NR1I3: variants seen among roughly 807,000 people sequenced by gnomAD.
NR1I3 encodes nuclear receptor subfamily 1 group I member 3, also known as constitutive activator of retinoid response.
NR1I3 carries 30 observed loss-of-function variants against 38.4 expected under a neutral mutation model. The observed-to-expected ratio is 0.78, with a 90% CI of 0.58 to 1.06. The LOEUF is 1.06. NR1I3 is among the 50% of genes least tolerant of loss of function. NR1I3 has a pLI of 0.00. For synonymous variants in NR1I3, 143 were observed against 165.1 expected, an observed-to-expected ratio of 0.87 and a Z score of 1.03; for missense variants, 388 against 435.7, an observed-to-expected ratio of 0.89 and a Z score of 0.97.
chr1:161,233,151 A>C lies in NR1I3; in HGVS notation c.408+18T>G. 6.2e-7 allele frequency: 1 copy of C among 1,610,150 alleles called. No individual in the cohort carries two copies. The highest frequency in any genetic ancestry group is 1.3e-5 in the African/African-American group (1 of 74,958). ...GCCCTTTTAGTTGTATTCCAACCCA[A>C]ATCCTGTCGGTGCTCACCCTAAACT... On this transcript the variant is annotated intron_variant, in intron 4 of 8. Transcript: ENST00000367983.
chr1:161,232,812 G>A lies in NR1I3; in HGVS notation c.543C>T (p.Val181=), dbSNP rs1452703962. The change falls in exon 5 of 9, where the codon GTC becomes GTT. Residue 181 remains valine (V), a synonymous_variant. Coordinates refer to ENST00000367983, the MANE Select transcript of NR1I3 (RefSeq NM_005122.5). Reference sequence around the variant, plus strand: ...GATGAGGGGAGGTCACTCACCGGAAGACGGGCAGGTCCTTAGTAAACTTGA... The same window carrying A: ...GATGAGGGGAGGTCACTCACCGGAAAACGGGCAGGTCCTTAGTAAACTTGA... The part of the protein sequence containing the change: ...QVIKFTKDLP[V]FRSLPIEDQI... 61 of 1,614,100 alleles carry A rather than the reference G, an allele frequency of 3.8e-5. No individual in the cohort carries two copies. The highest frequency in any genetic ancestry group is 5.0e-5 in the Non-Finnish European group (59 of 1,180,036).
rs776608539 is a variant in NR1I3 at position 161,238,031 on chromosome 1, G to A, written c.-34+10C>T. On this transcript the variant is annotated intron_variant, in intron 1 of 8. Transcript: ENST00000367983. The stretch of plus-strand genomic sequence containing the variant: ...TACATTTAGTCTTTGGTCCCCAACA[G>A]ATTTCCTACCTGCTTCTCTTAGGCA... The A allele has an allele frequency of 1.2e-6, 2 of 1,612,334 alleles. No individual in the cohort carries two copies. The highest frequency in any genetic ancestry group is 2.2e-5 in the South Asian group (2 of 91,046).
intron 1 of NR1I3, among the ~76,000 whole-genome samples, chr1:161,237,604 GCTAT>G (rs1668850383): frequency 6.6e-6 from 1 of 151,746 alleles, no homozygotes; most frequent in South Asian, 2.1e-4. Flanking sequence ...TGTAGTCCCA[GCTAT>G]TTGGGAGGCT....
At chr1:161,230,109 T>G in intron 8 of NR1I3, 183 bp from the exon 9 acceptor site, 2 of 634,476 alleles carry the variant, frequency 3.2e-6, no homozygotes, top group Non-Finnish European at 5.3e-6. Context: ...GGGGCCTCGG[T>G]CTGACACTGT....
intron 3 of NR1I3, among the ~76,000 whole-genome samples, chr1:161,233,897 G>A (rs1667982661): frequency 5.4e-5 from 8 of 147,292 alleles, no homozygotes; most frequent in East Asian, 2.0e-4. Flanking sequence ...GTATATGTGT[G>A]TGTATATATA....
chr1:161,236,227 C>T (rs1668581948), intron 2 of NR1I3: 9 of 648,322 alleles, frequency 1.4e-5, no homozygotes, highest in Middle Eastern at 4.2e-4. Context: ...AATAAATGCT[C>T]TTGACTAATG....
intron 3 of NR1I3, among the ~76,000 whole-genome samples, chr1:161,233,879 GTGTGTGTGTA>G (rs1252301029): frequency 0.014 from 1,512 of 108,910 alleles, 16 homozygotes; most frequent in Admixed American, 0.018. Flanking sequence ...GTGTGTGTGT[GTGTGTGTGTA>G]TATGTGTGTG....
rs376162036 is a variant in NR1I3 at position 161,233,308 on chromosome 1, C to T, written c.269G>A (p.Arg90Gln). 8.7e-5 allele frequency: 140 copies of T among 1,614,090 alleles called. No homozygotes were observed. Among genetic ancestry groups the T allele is most frequent in the Admixed American group, 2.8e-4 (17 of 60,026 alleles). Reference sequence around the variant, plus strand: ...CCGCCGCTGGGCCTGCTTTGCTCGCCGCAATGCCAGGGCTTCTGCCGACAG... The same window carrying T: ...CCGCCGCTGGGCCTGCTTTGCTCGCTGCAATGCCAGGGCTTCTGCCGACAG... ...MILSAEALAL[R>Q]RAKQAQRRAQ... The change falls in exon 4 of 9, where the codon CGG becomes CAG. Residue 90 changes from arginine to glutamine, a missense_variant. Arg to Gln is a conservative substitution (Grantham distance 43, BLOSUM62 1). Transcript: ENST00000367983.
chr1:161,233,107 C>T lies in NR1I3; in HGVS notation c.408+62G>A, dbSNP rs574327009. 6.5e-5 allele frequency: 103 copies of T among 1,596,156 alleles called. 1 individual carries two copies. In the South Asian group the frequency reaches 1.1e-3, roughly 16 times the overall value. On this transcript the variant is annotated intron_variant, in intron 4 of 8. Transcript: ENST00000367983. ...GTGCATGGCATACACCCCTCTCCTT[C>T]AGACCAGCATTTTTGGGTGCCCTTT...
At chr1:161,233,835 A>G (rs79440846) in intron 3 of NR1I3, among the ~76,000 whole-genome samples, 24 of 94,996 alleles carry the variant, frequency 2.5e-4, no homozygotes, top group South Asian at 7.5e-4. Flanking sequence ...CATCATATAT[A>G]TATGTGTGTG....
intron 7 of NR1I3, 35 bp downstream of exon 7, chr1:161,231,082 G>A (rs768878316): frequency 6.2e-6 from 10 of 1,613,992 alleles, no homozygotes; most frequent in Non-Finnish European, 7.6e-6. Context: ...CAGAGGTGGT[G>A]CAGCAAAAGG....
intron 3 of NR1I3, among the ~76,000 whole-genome samples, chr1:161,233,985 T>G (rs983891436): frequency 2.2e-5 from 3 of 139,492 alleles, no homozygotes; most frequent in Non-Finnish European, 4.7e-5. Context: ...ATATATATTT[T>G]TTTGTTTGTT....
At position 161,230,587 on chromosome 1, in the gene NR1I3, TA is replaced by T. The variant is rs66513069; in HGVS notation, c.917+225del. ...GCTACTACTTTGCATCTGTACTGAATAAAAAAAAAATCTGGAAAAAGTGAGA... is the reference window on the plus strand; with the variant it reads ...GCTACTACTTTGCATCTGTACTGAATAAAAAAAAATCTGGAAAAAGTGAGA... On this transcript the variant is annotated intron_variant, in intron 8 of 8. Transcript: ENST00000367983. 960 of 544,840 alleles carry T rather than the reference TA, an allele frequency of 1.8e-3. 1 individual carries two copies. The highest frequency in any genetic ancestry group is 2.1e-3 in the Non-Finnish European group (668 of 312,056). The allele number at this position is 544,840 out of a possible 1,614,324, so 33.8% of individuals were successfully genotyped here.
At position 161,236,458 on chromosome 1, in the gene NR1I3, C is replaced by T; in HGVS notation, c.107+1G>A. On this transcript the variant is annotated splice_donor_variant, in intron 2 of 8. Coordinates refer to ENST00000367983, the MANE Select transcript of NR1I3 (RefSeq NM_005122.5). LOFTEE classifies it high-confidence loss of function. ...ATTTCCATTGGGGAGGAGACTCTCA[C>T]CTGAAGAAACCCTTGCAGCCCTCAC... 6.2e-7 allele frequency: 1 copy of T among 1,614,048 alleles called. No homozygotes were observed. The highest frequency in any genetic ancestry group is 8.5e-7 in the Non-Finnish European group (1 of 1,179,984).
intron 3 of NR1I3, among the ~76,000 whole-genome samples, chr1:161,234,763 C>T (rs1668226545): frequency 1.3e-5 from 2 of 152,194 alleles, no homozygotes; most frequent in African/African-American, 2.4e-5. Flanking sequence ...GCCCCAGTTA[C>T]ATCCTCCTTT....
chr1:161,236,713 G>A (rs990083158), intron 1 of NR1I3, 115 bp from the exon 2 acceptor site: 52 of 1,033,964 alleles, frequency 5.0e-5, no homozygotes, highest in African/African-American at 4.5e-4. Context: ...GATCCCTGGC[G>A]TTATCTTTTG....
In NR1I3 at chr1:161,233,352, G is replaced by A; in HGVS notation, c.239-14C>T. 1 of 1,611,132 alleles carries A rather than the reference G, an allele frequency of 6.2e-7. No individual in the cohort carries two copies. Among genetic ancestry groups the A allele is most frequent in the Non-Finnish European group, 8.5e-7 (1 of 1,179,456 alleles). On this transcript the variant is annotated splice_polypyrimidine_tract_variant and intron_variant, in intron 3 of 8. Transcript: ENST00000367983. ...CCGACAGTATCACTGTGCCAGGCAA[G>A]AGATCATGACAAAGCTGTTGAGACC... is the stretch of plus-strand genomic sequence containing the variant.
intron 8 of NR1I3, 38 bp from the exon 9 acceptor site, chr1:161,229,964 G>C (rs756185699): frequency 6.2e-7 from 1 of 1,612,808 alleles, no homozygotes; most frequent in Non-Finnish European, 8.5e-7. Context: ...GAAAACAGGA[G>C]GGAAATAAGG....
rs376347313 is a variant in NR1I3, at chr1:161,233,148, C to T, written c.408+21G>A. ...GGTGCCCTTTTAGTTGTATTCCAAC[C>T]CAAATCCTGTCGGTGCTCACCCTAA... On this transcript the variant is annotated intron_variant, in intron 4 of 8. Coordinates refer to ENST00000367983, the MANE Select transcript of NR1I3 (RefSeq NM_005122.5). 1.2e-5 allele frequency: 19 copies of T among 1,609,870 alleles called. No homozygotes were observed. The East Asian group carries it at 4.2e-4, about 36-fold the overall frequency.
Sources: allele counts gnomAD v4.1 joint callset (sites outside exome capture counted in the v4.1 genomes callset), GRCh38; gene constraint gnomAD v4.1.1; transcripts MANE v1.5; gene names NCBI Gene and HGNC (gene_info 2026-07-23, HGNC 2026-07-21).